Variants in PDE6D observed in about 807,000 individuals in gnomAD.
PDE6D encodes phosphodiesterase 6D, also known as retinal rod rhodopsin-sensitive cGMP 3',5'-cyclic phosphodiesterase subunit delta.
A neutral mutation model predicts 21.9 loss-of-function variants in PDE6D; 10 were observed. That is an observed-to-expected ratio of 0.46 (90% confidence interval 0.28 to 0.78). The LOEUF (loss-of-function observed/expected upper bound fraction) is 0.78. PDE6D is among the 30% of genes least tolerant of loss of function. The pLI is 0.12. For missense variants in PDE6D, 139 were observed against 184.8 expected (o/e 0.75, Z 1.44); for synonymous variants, 59 against 63.5 (o/e 0.93, Z 0.34).
Position 231,737,192 on chromosome 2 carries a change from G to A in PDE6D, c.366C>T (p.Val122=). 1.3e-6 allele frequency: 2 copies of A among 1,592,452 alleles called. No homozygotes were observed. Among genetic ancestry groups the A allele is most frequent in the Non-Finnish European group, 1.7e-6 (2 of 1,160,332 alleles). Residue 122 remains valine, a synonymous_variant, in exon 4 of 5, where the codon GTC becomes GTT. Coordinates refer to ENST00000287600, the MANE Select transcript of PDE6D (RefSeq NM_002601.4). ...CCTGAGACCTGCTCACTCACGTTAA[G>A]ACGCTTGCTGGCATCATCTGGGACT... is the stretch of plus-strand genomic sequence containing the variant. ...APESQMMPAS[V]LTGNVIIETK...
chr2:231,753,053 A>C (rs566493702), intron 1 of PDE6D, among the ~76,000 whole-genome samples: 73 of 148,108 alleles, frequency 4.9e-4, no homozygotes, highest in Non-Finnish European at 9.0e-4. Context: ...GGATGGTCTC[A>C]ATCTTCTGAC....
At chr2:231,753,454 G>C (rs1014055685) in intron 1 of PDE6D, among the ~76,000 whole-genome samples, 2 of 152,092 alleles carry the variant, frequency 1.3e-5, no homozygotes, top group African/African-American at 4.8e-5. Context: ...CGGAGGGTGA[G>C]GCGGGAGAAT....
Position 231,732,741 on chromosome 2 carries a change from T to A in PDE6D, c.*211A>T. 1 of 515,054 alleles carries A rather than the reference T, an allele frequency of 1.9e-6. No homozygotes were observed. The highest frequency in any genetic ancestry group is 3.5e-6 in the Non-Finnish European group (1 of 285,868). 31.9% of individuals were successfully genotyped at this position (515,054 alleles called of 1,614,324 possible). ...CCTGCCCTGGTCTGGGGTTGGGAGT[T>A]TAGTCTGGTCAGCTGGAAGATGGTG... On this transcript the variant is annotated 3_prime_UTR_variant, in exon 5 of 5. Coordinates refer to ENST00000287600, the MANE Select transcript of PDE6D (RefSeq NM_002601.4).
chr2:231,759,624 A>AAG (rs2048910358), intron 1 of PDE6D, among the ~76,000 whole-genome samples: 2 of 152,170 alleles, frequency 1.3e-5, no homozygotes, highest in Non-Finnish European at 2.9e-5. Flanking sequence ...TCTGCCAAAA[A>AAG]CATGTTTGGG....
At chr2:231,757,128 T>G (rs903218228) in intron 1 of PDE6D, among the ~76,000 whole-genome samples, 1 of 151,166 alleles carries the variant, frequency 6.6e-6, no homozygotes, top group Admixed American at 6.6e-5. Context: ...CTGGCTAATT[T>G]TTTATATATT....
chr2:231,753,328 C>T (rs1009573383), intron 1 of PDE6D, among the ~76,000 whole-genome samples: 41 of 151,036 alleles, frequency 2.7e-4, no homozygotes, highest in Admixed American at 5.9e-4. Context: ...TCAAGACCAT[C>T]CTGGCTAACA....
At chr2:231,765,698 CTA>C (rs2048965627) in intron 1 of PDE6D, among the ~76,000 whole-genome samples, 1 of 152,206 alleles carries the variant, frequency 6.6e-6, no homozygotes, top group Non-Finnish European at 1.5e-5. Flanking sequence ...GCTGCAATGA[CTA>C]GCAGTAAACA....
chr2:231,749,603 C>T (rs2048821991), intron 1 of PDE6D, among the ~76,000 whole-genome samples: 1 of 150,864 alleles, frequency 6.6e-6, no homozygotes, highest in African/African-American at 2.4e-5. Context: ...GTGATCTCAG[C>T]TCACTGCAAT....
chr2:231,751,309 C>T (rs940031565), intron 1 of PDE6D, among the ~76,000 whole-genome samples: 1 of 152,134 alleles, frequency 6.6e-6, no homozygotes, highest in African/African-American at 2.4e-5. Context: ...GCACTTACCA[C>T]CTCGTGTGGC....
intron 1 of PDE6D, among the ~76,000 whole-genome samples, chr2:231,774,697 T>A (rs529239486): frequency 2.4e-4 from 37 of 151,988 alleles, no homozygotes; most frequent in Middle Eastern, 3.4e-3. Context: ...CAAGTGATTC[T>A]TCTGCCTCAG....
At chr2:231,744,467 T>C (rs1013402156) in intron 1 of PDE6D, among the ~76,000 whole-genome samples, 6 of 149,608 alleles carry the variant, frequency 4.0e-5, no homozygotes, top group African/African-American at 1.2e-4. Flanking sequence ...AGAGTTTCGC[T>C]CTTGTTGCCC....
chr2:231,762,066 G>A (rs1365477020), intron 1 of PDE6D, among the ~76,000 whole-genome samples: 2 of 152,144 alleles, frequency 1.3e-5, no homozygotes, highest in East Asian at 3.8e-4. Context: ...TCCTAACAAT[G>A]TTCTCTTGGG....
At chr2:231,779,091 T>C (rs2106291202) in intron 1 of PDE6D, 1 of 152,358 alleles carries the variant, frequency 6.6e-6, no homozygotes, top group East Asian at 1.9e-4. Flanking sequence ...CTTTTCTCTC[T>C]TACTCCACAA....
intron 1 of PDE6D, among the ~76,000 whole-genome samples, chr2:231,751,362 T>C (rs1275058746): frequency 6.6e-6 from 1 of 152,214 alleles, no homozygotes; most frequent in Non-Finnish European, 1.5e-5. Flanking sequence ...GGCCTTACTA[T>C]GTTGTCCAGG....
intron 4 of PDE6D, among the ~76,000 whole-genome samples, chr2:231,735,328 C>G (rs1356030576): frequency 2.2e-5 from 3 of 139,046 alleles, no homozygotes; most frequent in Middle Eastern, 3.8e-3. Flanking sequence ...GAGGTGGAGT[C>G]TCGCCCTGTC....
chr2:231,733,778 C>T (rs1338744849), intron 4 of PDE6D, among the ~76,000 whole-genome samples: 1 of 152,004 alleles, frequency 6.6e-6, no homozygotes, highest in African/African-American at 2.4e-5. Context: ...CTAAATGATG[C>T]ACCTGTATTG....
chr2:231,775,048 G>A (rs1372644664), intron 1 of PDE6D, among the ~76,000 whole-genome samples: 1 of 151,988 alleles, frequency 6.6e-6, no homozygotes, highest in Non-Finnish European at 1.5e-5. Context: ...GAGCAGCTGG[G>A]ATTACAGGCG....
chr2:231,771,584 G>C (rs980226150), intron 1 of PDE6D, among the ~76,000 whole-genome samples: 3 of 152,128 alleles, frequency 2.0e-5, no homozygotes, highest in African/African-American at 7.2e-5. Context: ...TATATTTACA[G>C]TGCTAATTTA....
At chr2:231,746,641 C>G (rs746208473) in intron 1 of PDE6D, among the ~76,000 whole-genome samples, 1 of 151,512 alleles carries the variant, frequency 6.6e-6, no homozygotes, top group Non-Finnish European at 1.5e-5. Flanking sequence ...TAAACAGATC[C>G]ACACTACATG....
Sources: gnomAD v4.1 joint callset for allele counts (sites outside exome capture counted in the v4.1 genomes callset) on GRCh38, gnomAD v4.1.1 for gene constraint, MANE v1.5 for transcripts, NCBI Gene and HGNC (gene_info 2026-07-23, HGNC 2026-07-21) for gene names.